PCDHA3: variants seen among roughly 807,000 people sequenced by gnomAD.
PCDHA3 encodes the protein protocadherin alpha-3.
In PCDHA3, 41 loss-of-function variants were observed where a neutral mutation model predicts 62.2. The observed-to-expected ratio is 0.66, with a 90% confidence interval of 0.51 to 0.86. The LOEUF (loss-of-function observed/expected upper bound fraction) is 0.86, where lower values mean the gene tolerates loss of function less well. PCDHA3 is among the 40% of genes least tolerant of loss of function. The probability of loss-of-function intolerance (pLI) is 0.00; values close to 1 mark genes in which losing one functional copy is unlikely to be tolerated. For missense variants in PCDHA3, 1,304 were observed against 1,241.2 expected (o/e 1.05, Z -0.76); for synonymous variants, 640 against 555.4 (o/e 1.15, Z -2.14).
At chr5:140,867,183 G>A (rs1035791499) in intron 1 of PCDHA3, 3 of 151,946 alleles carry the variant, frequency 2.0e-5, no homozygotes, top group Non-Finnish European at 4.4e-5. Flanking sequence ...TCCCTACCTC[G>A]CAAGACTCCA....
intron 1 of PCDHA3, among the ~76,000 whole-genome samples, chr5:140,919,231 CT>C (rs2079047316): frequency 6.6e-6 from 1 of 152,160 alleles, no homozygotes; most frequent in African/African-American, 2.4e-5. Context: ...TCTAGTAACA[CT>C]TTTTGTCTTG....
chr5:140,884,490 G>A (rs2060210547), intron 1 of PCDHA3: 1 of 1,614,064 alleles, frequency 6.2e-7, no homozygotes, highest in Non-Finnish European at 8.5e-7. Flanking sequence ...ACTCTAGTGT[G>A]CTCCAGCGCG....
chr5:140,852,885 A>ATT, intron 1 of PCDHA3: 58 of 777,210 alleles, frequency 7.5e-5, no homozygotes, highest in Non-Finnish European at 8.7e-5. Flanking sequence ...CATAAAACGT[A>ATT]TTTTTTTTTT....
At chr5:140,985,044 T>G (rs183944640) in intron 3 of PCDHA3, among the ~76,000 whole-genome samples, 1 of 152,158 alleles carries the variant, frequency 6.6e-6, no homozygotes, top group Admixed American at 6.5e-5. Flanking sequence ...TTCAAGTGAT[T>G]CTCCTGCCTC....
At chr5:140,871,303 G>A (rs1562661921) in intron 1 of PCDHA3, 1 of 1,613,854 alleles carries the variant, frequency 6.2e-7, no homozygotes, top group Non-Finnish European at 8.5e-7. Flanking sequence ...GTGCGCGCCG[G>A]GGAAGCCCAC....
chr5:140,966,945 A>C, intron 1 of PCDHA3: 1 of 1,603,804 alleles, frequency 6.2e-7, no homozygotes, highest in Non-Finnish European at 8.5e-7. Context: ...CTCGTGGGCA[A>C]CGTGGCTCGC....
intron 1 of PCDHA3, chr5:140,929,046 C>CT (rs1229193922): frequency 6.2e-7 from 1 of 1,614,206 alleles, no homozygotes; most frequent in Non-Finnish European, 8.5e-7. Flanking sequence ...CTCAGAGCTG[C>CT]TGTCGCTCTA....
At chr5:140,833,964 T>TG (rs1419903363) in intron 1 of PCDHA3, among the ~76,000 whole-genome samples, 1 of 152,084 alleles carries the variant, frequency 6.6e-6, no homozygotes, top group African/African-American at 2.4e-5. Flanking sequence ...TAAAACTGTG[T>TG]GAAAAAAAAG....
chr5:140,871,699 C>A, intron 1 of PCDHA3: 1 of 891,286 alleles, frequency 1.1e-6, no homozygotes. Context: ...CTTCTTTAAC[C>A]AATAAATGTC....
In PCDHA3 at chr5:140,846,520, G is replaced by A. The variant is rs1780530072; in HGVS notation, c.2394+42929G>A. Among the ~76,000 whole-genome samples, 3 of 147,948 alleles carry A rather than the reference G, an allele frequency of 2.0e-5. No homozygotes were observed. In the Admixed American group the frequency reaches 2.0e-4, roughly 10 times the overall value. ...CTCCCAAGTAGCTGGGATTACAGGT[G>A]CATGCCACCATGCCCTGCTAATTTT... On this transcript the variant is annotated intron_variant, in intron 1 of 3. Transcript: ENST00000522353.
intron 1 of PCDHA3, chr5:140,870,247 G>C (rs2051798085): frequency 5.6e-6 from 9 of 1,614,024 alleles, no homozygotes; most frequent in Admixed American, 1.7e-5. Flanking sequence ...AGGTGTCAAC[G>C]GACAGGTGAC....
intron 1 of PCDHA3, among the ~76,000 whole-genome samples, chr5:140,905,700 A>G (rs926526227): frequency 3.9e-5 from 6 of 152,136 alleles, no homozygotes; most frequent in Non-Finnish European, 5.9e-5. Context: ...TGTGTCATTT[A>G]TGATTTCCTT....
At chr5:140,807,116 C>T in intron 1 of PCDHA3, 1 of 1,524,550 alleles carries the variant, frequency 6.6e-7, no homozygotes, top group Non-Finnish European at 8.9e-7. Flanking sequence ...CTGCACTTGA[C>T]TGACCGATTA....
chr5:140,870,100 T>C (rs1554163812), intron 1 of PCDHA3: 2 of 1,613,914 alleles, frequency 1.2e-6, no homozygotes, highest in Admixed American at 3.3e-5. Context: ...GGCAGGTCAC[T>C]GTACAGTCTG....
intron 1 of PCDHA3, chr5:140,878,053 C>T (rs2057454277): frequency 2.2e-6 from 1 of 456,148 alleles, no homozygotes; most frequent in Non-Finnish European, 3.5e-6. Flanking sequence ...TGGAGCACCA[C>T]ACTTAATATT....
intron 3 of PCDHA3, among the ~76,000 whole-genome samples, chr5:140,991,246 AT>A (rs1239917412): frequency 6.6e-6 from 1 of 152,206 alleles, no homozygotes; most frequent in African/African-American, 2.4e-5. Context: ...TAAAGGCAGT[AT>A]TTGAACTCAT....
intron 1 of PCDHA3, among the ~76,000 whole-genome samples, chr5:140,947,834 A>G (rs2094182215): frequency 6.6e-6 from 1 of 151,584 alleles, no homozygotes; most frequent in Non-Finnish European, 1.5e-5. Flanking sequence ...CAATATTAAT[A>G]TTTGTTTATT....
intron 1 of PCDHA3, among the ~76,000 whole-genome samples, chr5:140,893,338 T>A (rs1409461265): frequency 1.3e-5 from 2 of 152,174 alleles, no homozygotes; most frequent in Non-Finnish European, 2.9e-5. Flanking sequence ...TTTTCCTTAG[T>A]GGCAGTGCTA....
At chr5:140,992,914 C>T (rs1383362253) in intron 3 of PCDHA3, among the ~76,000 whole-genome samples, 1 of 152,220 alleles carries the variant, frequency 6.6e-6, no homozygotes, top group African/African-American at 2.4e-5. Context: ...CTTAGGCCCT[C>T]TCCATACTTA....
Sources: gnomAD v4.1 joint callset for allele counts (sites outside exome capture counted in the v4.1 genomes callset) on GRCh38, gnomAD v4.1.1 for gene constraint, MANE v1.5 for transcripts, NCBI Gene and HGNC (gene_info 2026-07-23, HGNC 2026-07-21) for gene names.